MAP3K7CL: variants seen among roughly 807,000 people sequenced by gnomAD.
MAP3K7CL encodes MAP3K7 C-terminal like.
A neutral mutation model predicts 18.6 loss-of-function variants in MAP3K7CL; 16 were observed. The observed-to-expected ratio is 0.86, with a 90% CI of 0.58 to 1.31. MAP3K7CL has a LOEUF of 1.31. MAP3K7CL is among the 50% of genes most tolerant of loss of function. MAP3K7CL has a pLI of 0.00. For synonymous variants in MAP3K7CL, 65 were observed against 66.8 expected, an observed-to-expected ratio of 0.97 and a Z score of 0.13; for missense variants, 163 against 174.4, an observed-to-expected ratio of 0.93 and a Z score of 0.37.
intron 2 of MAP3K7CL, among the ~76,000 whole-genome samples, chr21:29,146,184 GCT>G (rs1409924765): frequency 3.3e-5 from 5 of 152,218 alleles, no homozygotes; most frequent in African/African-American, 1.2e-4. Context: ...TGTCTCAGCT[GCT>G]CTCATACTTT....
intron 2 of MAP3K7CL, chr21:29,091,611 G>T: frequency 1.4e-6 from 1 of 700,680 alleles, no homozygotes; most frequent in South Asian, 1.5e-5. Flanking sequence ...AAGTAACTGG[G>T]ACCACAGGCG....
intron 3 of MAP3K7CL, among the ~76,000 whole-genome samples, chr21:29,151,318 G>C (rs553173621): frequency 6.6e-6 from 1 of 151,772 alleles, no homozygotes; most frequent in Admixed American, 6.6e-5. Flanking sequence ...TTAGCCAGGT[G>C]TGGTGGCACA....
chr21:29,087,935 T>G (rs1408555567), intron 1 of MAP3K7CL, among the ~76,000 whole-genome samples: 1 of 152,084 alleles, frequency 6.6e-6, no homozygotes, highest in East Asian at 1.9e-4. Context: ...CACTATGAGA[T>G]TTCTGTACAT....
intron 1 of MAP3K7CL, 82 bp from the exon 2 acceptor site, chr21:29,133,224 C>A: frequency 2.1e-6 from 2 of 971,746 alleles, no homozygotes; most frequent in Admixed American, 2.5e-5. Context: ...TTAATAACTT[C>A]ACCTGTAATT....
intron 1 of MAP3K7CL, among the ~76,000 whole-genome samples, chr21:29,079,079 G>A (rs995465617): frequency 6.6e-6 from 1 of 152,230 alleles, no homozygotes; most frequent in Non-Finnish European, 1.5e-5. Context: ...ATGCAGCTCG[G>A]TGGTTTTGTG....
chr21:29,110,050 T>G (rs1220720303), intron 4 of MAP3K7CL, among the ~76,000 whole-genome samples: 6 of 152,246 alleles, frequency 3.9e-5, no homozygotes, highest in Non-Finnish European at 8.8e-5. Flanking sequence ...TCTGTGACTA[T>G]TAGTAAATTT....
At chr21:29,138,972 A>G (rs1306568176) in intron 2 of MAP3K7CL, among the ~76,000 whole-genome samples, 2 of 152,204 alleles carry the variant, frequency 1.3e-5, no homozygotes, top group African/African-American at 4.8e-5. Flanking sequence ...CTCAAAAAAG[A>G]AATTCTTTCA....
At chr21:29,105,552 A>T (rs2146542724) in intron 4 of MAP3K7CL, among the ~76,000 whole-genome samples, 1 of 152,268 alleles carries the variant, frequency 6.6e-6, no homozygotes, top group East Asian at 1.9e-4. Context: ...AGGAGTGTGT[A>T]ATTATTTATC....
chr21:29,096,834 A>G (rs1017301348), intron 4 of MAP3K7CL, among the ~76,000 whole-genome samples: 12 of 152,136 alleles, frequency 7.9e-5, no homozygotes, highest in African/African-American at 1.9e-4. Flanking sequence ...ACTTCCCTCC[A>G]TGTGCTGCTC....
At chr21:29,166,018 C>CA (rs1372513728) in intron 4 of MAP3K7CL, among the ~76,000 whole-genome samples, 10 of 152,332 alleles carry the variant, frequency 6.6e-5, no homozygotes, top group Admixed American at 2.0e-4. Context: ...TGAGAACATT[C>CA]AAAATCCTCT....
intron 4 of MAP3K7CL, among the ~76,000 whole-genome samples, chr21:29,170,400 A>G (rs1430343444): frequency 2.0e-5 from 3 of 152,312 alleles, no homozygotes; most frequent in Non-Finnish European, 2.9e-5. Flanking sequence ...GTGATTTTTT[A>G]TCTCTGACAA....
At chr21:29,084,824 A>AT (rs544938042), upstream of MAP3K7CL, among the ~76,000 whole-genome samples, 2 of 152,216 alleles carry the variant, frequency 1.3e-5, no homozygotes, top group African/African-American at 4.8e-5. Flanking sequence ...TCACACAGTG[A>AT]TTTTTGATAA....
At chr21:29,150,195 T>C (rs943878341) in intron 3 of MAP3K7CL, among the ~76,000 whole-genome samples, 2 of 152,226 alleles carry the variant, frequency 1.3e-5, no homozygotes, top group African/African-American at 2.4e-5. Context: ...TTCTTATTCC[T>C]GGACAGCCCT....
At chr21:29,167,220 T>A (rs2087709777) in intron 4 of MAP3K7CL, among the ~76,000 whole-genome samples, 2 of 152,252 alleles carry the variant, frequency 1.3e-5, no homozygotes, top group African/African-American at 4.8e-5. Flanking sequence ...ATCTCAAAGA[T>A]CTTTTGCCCA....
rs199783355 is a variant in MAP3K7CL, at chr21:29,090,772, TA to T, written c.58-725del. 2.8e-3 allele frequency among the ~76,000 whole-genome samples: 422 copies of T among 150,456 alleles called. 2 individuals are homozygous for T. Among genetic ancestry groups the T allele is most frequent in the African/African-American group, 8.7e-3 (358 of 41,146 alleles). On this transcript the variant is annotated intron_variant, in intron 1 of 6. Transcript: ENST00000286791. ...TGGCCTTCCTCACTTTTTTTTTTTTTAAAATTGCTGCATCCCCGGGACTTCG... is the reference window on the plus strand; with the variant it reads ...TGGCCTTCCTCACTTTTTTTTTTTTTAAATTGCTGCATCCCCGGGACTTCG...
chr21:29,155,539 G>A (rs1322272442), intron 3 of MAP3K7CL, among the ~76,000 whole-genome samples: 1 of 152,166 alleles, frequency 6.6e-6, no homozygotes, highest in Non-Finnish European at 1.5e-5. Flanking sequence ...CTATGAACCG[G>A]CAAGCTCAGG....
chr21:29,163,619 G>A (rs2087607885), intron 4 of MAP3K7CL, among the ~76,000 whole-genome samples: 1 of 151,936 alleles, frequency 6.6e-6, no homozygotes, highest in African/African-American at 2.4e-5. Context: ...ACTTCTCCCG[G>A]GGCAGGAGGT....
At chr21:29,125,386 G>C (rs917744552) in intron 4 of MAP3K7CL, among the ~76,000 whole-genome samples, 6 of 152,202 alleles carry the variant, frequency 3.9e-5, no homozygotes, top group Non-Finnish European at 7.3e-5. Flanking sequence ...GAACCACAAA[G>C]CTAGTGAAAG....
intron 4 of MAP3K7CL, chr21:29,109,154 T>C (rs1463406002): frequency 2.0e-6 from 3 of 1,535,452 alleles, no homozygotes; most frequent in Non-Finnish European, 2.6e-6. Flanking sequence ...TCCTCTTCCC[T>C]AACGCCCTTT....
Sources: gnomAD v4.1 joint callset for allele counts (sites outside exome capture counted in the v4.1 genomes callset) on GRCh38, gnomAD v4.1.1 for gene constraint, MANE v1.5 for transcripts, NCBI Gene and HGNC (gene_info 2026-07-23, HGNC 2026-07-21) for gene names.